Variants in C6orf62 observed in about 807,000 individuals in gnomAD.
The protein encoded by C6orf62 is chromosome 6 open reading frame 62.
A neutral mutation model predicts 26.8 loss-of-function variants in C6orf62; 16 were observed. The ratio of observed to expected loss-of-function variants is 0.60; its 90% CI spans 0.40 to 0.91. The LOEUF (loss-of-function observed/expected upper bound fraction) is 0.91, where lower values mean the gene tolerates loss of function less well. C6orf62 is among the 40% of genes least tolerant of loss of function. C6orf62 has a pLI of 0.00. For missense variants in C6orf62, 192 were observed against 271.4 expected (o/e 0.71, Z 2.06); for synonymous variants, 112 against 91.5 (o/e 1.22, Z -1.28).
intron 1 of C6orf62, among the ~76,000 whole-genome samples, chr6:24,717,898 A>G (rs1228888645): frequency 6.6e-6 from 1 of 152,226 alleles, no homozygotes; most frequent in Non-Finnish European, 1.5e-5. Context: ...TTGCTATTTA[A>G]CTGCGGAACT....
intron 3 of C6orf62, among the ~76,000 whole-genome samples, chr6:24,711,919 T>C (rs1779128047): frequency 6.6e-6 from 1 of 152,230 alleles, no homozygotes; most frequent in Non-Finnish European, 1.5e-5. Context: ...TTTAAGATTC[T>C]ATAATTAATA....
chr6:24,706,870 A>C (rs1331240783), intron 4 of C6orf62: 2 of 152,402 alleles, frequency 1.3e-5, no homozygotes, highest in African/African-American at 4.8e-5. Context: ...TCCATATGCC[A>C]GTGTACTCCA....
intron 3 of C6orf62, chr6:24,710,000 C>A: frequency 1.0e-6 from 1 of 984,508 alleles, no homozygotes; most frequent in Non-Finnish European, 1.2e-6. Flanking sequence ...TCTTATAAAC[C>A]GTAACATAAA....
intron 1 of C6orf62, 48 bp from the exon 2 acceptor site, chr6:24,716,372 T>C: frequency 7.4e-7 from 1 of 1,360,310 alleles, no homozygotes. Flanking sequence ...GCACAGCCTT[T>C]TAACACTCAG....
chr6:24,713,657 A>G (rs1166930486), intron 3 of C6orf62, among the ~76,000 whole-genome samples: 4 of 152,230 alleles, frequency 2.6e-5, no homozygotes, highest in Admixed American at 1.3e-4. Context: ...GTAAATATAT[A>G]TATTAAAAAA....
upstream of C6orf62, chr6:24,720,131 G>C: frequency 7.2e-7 from 1 of 1,392,698 alleles, no homozygotes. Flanking sequence ...TTTCCCGAGG[G>C]GCAGGGGGTG....
chr6:24,720,011 A>ATGGGGGGGC, upstream of C6orf62: 1 of 1,502,164 alleles, frequency 6.7e-7, no homozygotes, highest in Non-Finnish European at 8.9e-7. Context: ...CTTCTAAAGT[A>ATGGGGGGGC]AGCCCACCCA....
Position 24,706,071 on chromosome 6 carries a change from G to C in C6orf62, c.*66C>G. On this transcript the variant is annotated 3_prime_UTR_variant, in exon 5 of 5. Coordinates refer to ENST00000378119, the MANE Select transcript of C6orf62 (RefSeq NM_030939.5). ...CTTTAAACTCTGAAAGAATAAAGTG[G>C]TAAGAAAACAAGAAAAAAAACTGCT... 6.3e-7 allele frequency: 1 copy of C among 1,587,252 alleles called. No homozygotes were observed. The highest frequency in any genetic ancestry group is 8.6e-7 in the Non-Finnish European group (1 of 1,164,064).
chr6:24,720,147 G>A (rs1779326282), upstream of C6orf62: 2 of 1,375,100 alleles, frequency 1.5e-6, no homozygotes, highest in Non-Finnish European at 1.9e-6. Flanking sequence ...GGGTGGAATT[G>A]AGGCAGCTAG....
chr6:24,710,553 C>T lies in C6orf62; in HGVS notation c.430-1642G>A, dbSNP rs567540314. The T allele has an allele frequency of 1.4e-4, 133 of 983,040 alleles. No homozygotes were observed. The South Asian group carries it at 2.0e-3, about 15-fold the overall frequency. 60.9% of individuals were successfully genotyped at this position (983,040 alleles called of 1,614,324 possible). A position where few individuals can be genotyped will look rare whatever the true frequency, so the allele number is the denominator to read the frequency against. ...TGTTGGGATTACAGGCGTGAGCAAC[C>T]GCGCCCGGCCCAAATTGGGTTCTTA... On this transcript the variant is annotated intron_variant, in intron 3 of 4. Coordinates refer to ENST00000378119, the MANE Select transcript of C6orf62 (RefSeq NM_030939.5).
chr6:24,715,406 A>C (rs1239215625), intron 2 of C6orf62, among the ~76,000 whole-genome samples: 1 of 152,232 alleles, frequency 6.6e-6, no homozygotes, highest in South Asian at 2.1e-4. Context: ...AAACGGAGAC[A>C]TAAGACATTT....
intron 3 of C6orf62, among the ~76,000 whole-genome samples, chr6:24,712,452 C>G (rs1275802583): frequency 6.6e-6 from 1 of 151,868 alleles, no homozygotes; most frequent in Non-Finnish European, 1.5e-5. Flanking sequence ...GGGTGAATCA[C>G]GAGGTCAAGA....
intron 1 of C6orf62, 36 bp from the exon 2 acceptor site, chr6:24,716,360 GAGCAC>G: frequency 6.7e-7 from 1 of 1,500,624 alleles, no homozygotes; most frequent in Non-Finnish European, 9.2e-7. Flanking sequence ...AACCCACAGG[GAGCAC>G]AGCCTTTTAA....
chr6:24,714,192 A>AT, intron 3 of C6orf62, 126 bp downstream of exon 3: 4 of 698,576 alleles, frequency 5.7e-6, no homozygotes, highest in Non-Finnish European at 6.8e-6. Flanking sequence ...AATATTCTAA[A>AT]TAGGGGAGAC....
intron 3 of C6orf62, 113 bp from the exon 4 acceptor site, chr6:24,709,024 C>A: frequency 6.7e-7 from 1 of 1,491,388 alleles, no homozygotes. Flanking sequence ...GTTATCTTTT[C>A]CTCTTTAAAA....
chr6:24,708,948 A>G (rs1250876787), intron 3 of C6orf62, 37 bp from the exon 4 acceptor site: 6 of 1,612,858 alleles, frequency 3.7e-6, no homozygotes, highest in Non-Finnish European at 5.1e-6. Context: ...TAAACTACAA[A>G]CAAGTTATAC....
chr6:24,717,943 G>C (rs1272593056), intron 1 of C6orf62, among the ~76,000 whole-genome samples: 2 of 152,164 alleles, frequency 1.3e-5, no homozygotes, highest in African/African-American at 2.4e-5. Flanking sequence ...CCCTAAAAAT[G>C]AAACTTCCTC....
Position 24,718,558 on chromosome 6 carries a change from G to A in C6orf62, c.111C>T (p.Ala37=). The change falls in exon 1 of 5, where the codon GCC becomes GCT. Residue 37 remains alanine, a synonymous_variant. Transcript: ENST00000378119. Reference sequence around the variant, plus strand: ...AAATTACCTTCTCCTTGAATACAAAGGCAATATACATCTTGAAGTCAAACT... The same window carrying A: ...AAATTACCTTCTCCTTGAATACAAAAGCAATATACATCTTGAAGTCAAACT... ...ADQFDFKMYI[A]FVFKEKKKKS... is the part of the protein sequence containing the mutation. The A allele has an allele frequency of 2.5e-6, 4 of 1,610,926 alleles. No homozygotes were observed. Among genetic ancestry groups the A allele is most frequent in the Middle Eastern group, 1.6e-4 (1 of 6,062 alleles).
chr6:24,707,533 A>AT (rs1779033131), intron 4 of C6orf62, among the ~76,000 whole-genome samples: 2 of 151,794 alleles, frequency 1.3e-5, no homozygotes, highest in Admixed American at 6.6e-5. Context: ...AATTTCTTTG[A>AT]TTTTTTGTAG....
Sources: allele counts gnomAD v4.1 joint callset (sites outside exome capture counted in the v4.1 genomes callset), GRCh38; gene constraint gnomAD v4.1.1; transcripts MANE v1.5; gene names NCBI Gene and HGNC (gene_info 2026-07-23, HGNC 2026-07-21).